Variants in GOLIM4 observed in about 807,000 individuals in gnomAD.
GOLIM4 encodes 130 kDa golgi-localized phosphoprotein.
Under a neutral mutation model 107.4 loss-of-function variants are expected in GOLIM4, and 71 were observed. The ratio of observed to expected loss-of-function variants is 0.66; its 90% CI spans 0.55 to 0.81. The LOEUF is 0.81. Among genes scored for constraint, GOLIM4 ranks in the 30% least tolerant of loss-of-function variants. The pLI is 0.00. For missense variants in GOLIM4, 830 were observed against 826.1 expected (o/e 1.00, Z -0.06); for synonymous variants, 327 against 294.8 (o/e 1.11, Z -1.12).
At chr3:168,088,072 GGCAAAAGTA>G (rs1289531235) in intron 1 of GOLIM4, among the ~76,000 whole-genome samples, 1 of 151,962 alleles carries the variant, frequency 6.6e-6, no homozygotes, top group African/African-American at 2.4e-5. Flanking sequence ...ACCATCTACT[GGCAAAAGTA>G]GCAAAACCAC....
At chr3:168,071,351 A>G (rs1375622370) in intron 1 of GOLIM4, among the ~76,000 whole-genome samples, 3 of 152,172 alleles carry the variant, frequency 2.0e-5, no homozygotes, top group East Asian at 3.8e-4. Flanking sequence ...TGCATGGCAC[A>G]TAACAGATAA....
In GOLIM4 at chr3:168,032,535, C is replaced by T. The variant is rs1280935117; in HGVS notation, c.1161G>A (p.Gly387=). Residue 387 remains glycine (G), a synonymous_variant, in exon 9 of 16, where the codon GGG becomes GGA. Transcript: ENST00000470487. ...EQREAANLLE[G]HARAEVYPSA... ...GACTTCATACCTCAGCACGCGCGTG[C>T]CCTTCCAGGAGGTTGGCTGCTTCTC... is the stretch of plus-strand genomic sequence containing the variant. 1.7e-5 allele frequency: 27 copies of T among 1,613,886 alleles called. No individual in the cohort carries two copies. Among genetic ancestry groups the T allele is most frequent in the Non-Finnish European group, 2.3e-5 (27 of 1,179,832 alleles).
Position 168,029,257 on chromosome 3 carries a change from T to A in GOLIM4, c.1479A>T (p.Gly493=), listed in dbSNP as rs760479789. ...CTCCTTGGATTCCCTGGTCCTCTGC[T>A]CCCTGAACGATATCATTATCCATAG... ...YDAMDNDIVQ[G]AEDQGIQGEE... The change falls in exon 11 of 16, where the codon GGA becomes GGT. Residue 493 remains glycine, a synonymous_variant. Coordinates refer to ENST00000470487, the MANE Select transcript of GOLIM4 (RefSeq NM_014498.5). 18 of 1,611,088 alleles carry A rather than the reference T, an allele frequency of 1.1e-5. No homozygotes were observed. The African/African-American group carries it at 2.1e-4, about 19-fold the overall frequency.
Position 168,039,968 on chromosome 3 carries a change from A to G in GOLIM4, c.684+818T>C, listed in dbSNP as rs181607818. Among the ~76,000 whole-genome samples the G allele has an allele frequency of 2.0e-3, 310 of 152,334 alleles. 1 individual carries two copies. Among genetic ancestry groups the G allele is most frequent in the African/African-American group, 7.2e-3 (298 of 41,576 alleles). On this transcript the variant is annotated intron_variant, in intron 7 of 15. Coordinates refer to ENST00000470487, the MANE Select transcript of GOLIM4 (RefSeq NM_014498.5). Reference sequence around the variant, plus strand: ...TGAGATGGGTCAGGGACAGAAAATTATACCTTTTAATAATTTTATAAAGAA... The same window carrying G: ...TGAGATGGGTCAGGGACAGAAAATTGTACCTTTTAATAATTTTATAAAGAA...
chr3:168,029,083 A>G, intron 11 of GOLIM4, 140 bp downstream of exon 11: 2 of 544,950 alleles, frequency 3.7e-6, no homozygotes, highest in East Asian at 6.0e-5. Context: ...GAGGATTAAG[A>G]AAAAGACATG....
chr3:168,075,345 G>A (rs535296116), intron 1 of GOLIM4, among the ~76,000 whole-genome samples: 2 of 129,404 alleles, frequency 1.5e-5, no homozygotes, highest in Non-Finnish European at 3.1e-5. Context: ...CGCCCAGGCT[G>A]GAGTGCAGTG....
intron 1 of GOLIM4, among the ~76,000 whole-genome samples, chr3:168,083,815 C>T (rs1232801757): frequency 6.6e-6 from 1 of 152,184 alleles, no homozygotes; most frequent in African/African-American, 2.4e-5. Flanking sequence ...CCCCAATGAT[C>T]TCCACTTTCT....
intron 1 of GOLIM4, among the ~76,000 whole-genome samples, chr3:168,062,945 A>G (rs1195658758): frequency 1.3e-5 from 2 of 152,152 alleles, no homozygotes; most frequent in Admixed American, 6.5e-5. Context: ...TCCATTTTAG[A>G]TATGTCTAAT....
chr3:168,059,001 G>T (rs976895512), intron 1 of GOLIM4, among the ~76,000 whole-genome samples: 3 of 152,018 alleles, frequency 2.0e-5, no homozygotes, highest in Non-Finnish European at 2.9e-5. Flanking sequence ...AGAGAAGAGG[G>T]GGTTGTTTCT....
Position 168,010,839 on chromosome 3 carries a change from G to A in GOLIM4, c.1861-16C>T, listed in dbSNP as rs1716968468. 2.6e-6 allele frequency: 4 copies of A among 1,556,990 alleles called. No homozygotes were observed. In the African/African-American group the frequency reaches 5.4e-5, roughly 21 times the overall value. ...CTTCCTGAACCTAAAACAAACCACA[G>A]ATATCATTTAAACACTTTTGTCTTT... On this transcript the variant is annotated splice_polypyrimidine_tract_variant and intron_variant, in intron 14 of 15. Transcript: ENST00000470487.
At chr3:168,035,251 G>A (rs975743166) in intron 8 of GOLIM4, among the ~76,000 whole-genome samples, 1 of 152,164 alleles carries the variant, frequency 6.6e-6, no homozygotes, top group Non-Finnish European at 1.5e-5. Context: ...TGTGGAGACT[G>A]CTCCAAGACC....
chr3:168,076,838 G>T (rs190925721), intron 1 of GOLIM4, among the ~76,000 whole-genome samples: 45 of 152,318 alleles, frequency 3.0e-4, no homozygotes, highest in African/African-American at 1.1e-3. Context: ...AATCCAGTAT[G>T]AAAGTTTTTA....
intron 1 of GOLIM4, among the ~76,000 whole-genome samples, chr3:168,067,330 T>C (rs1277975637): frequency 6.6e-6 from 1 of 152,024 alleles, no homozygotes; most frequent in African/African-American, 2.4e-5. Context: ...AACTTAGGAA[T>C]ACACATTAAG....
intron 14 of GOLIM4, among the ~76,000 whole-genome samples, chr3:168,021,273 G>C (rs1031339815): frequency 1.3e-5 from 2 of 152,130 alleles, no homozygotes; most frequent in Admixed American, 6.5e-5. Flanking sequence ...AGAACAGTAG[G>C]ATCCAAAGAG....
intron 1 of GOLIM4, among the ~76,000 whole-genome samples, chr3:168,069,173 T>C (rs1720713544): frequency 6.6e-6 from 1 of 152,206 alleles, no homozygotes; most frequent in African/African-American, 2.4e-5. Context: ...TTTTTAAGTT[T>C]ATATCATATC....
chr3:168,042,658 T>TAG (rs1184762382), intron 5 of GOLIM4, among the ~76,000 whole-genome samples: 11 of 152,188 alleles, frequency 7.2e-5, no homozygotes, highest in Non-Finnish European at 1.5e-4. Flanking sequence ...CTGGTTTCTT[T>TAG]CTCCAGGACT....
At chr3:168,028,730 T>C (rs1246196275) in intron 11 of GOLIM4, among the ~76,000 whole-genome samples, 1 of 152,212 alleles carries the variant, frequency 6.6e-6, no homozygotes, top group Non-Finnish European at 1.5e-5. Flanking sequence ...TTTCTGACTT[T>C]TTAGAAAAAG....
At chr3:168,058,239 T>C (rs969976772) in intron 1 of GOLIM4, among the ~76,000 whole-genome samples, 5 of 152,226 alleles carry the variant, frequency 3.3e-5, no homozygotes, top group South Asian at 4.1e-4. Flanking sequence ...GTAGCTTATA[T>C]GGAAATTTTA....
At chr3:168,010,538 G>T in intron 15 of GOLIM4, 120 bp from the exon 16 acceptor site, 1 of 795,208 alleles carries the variant, frequency 1.3e-6, no homozygotes, top group Non-Finnish European at 2.0e-6. Context: ...GAAGAAAAAT[G>T]ATATGTAAGC....
Sources: gnomAD v4.1 joint callset for allele counts (sites outside exome capture counted in the v4.1 genomes callset) on GRCh38, gnomAD v4.1.1 for gene constraint, MANE v1.5 for transcripts, NCBI Gene and HGNC (gene_info 2026-07-23, HGNC 2026-07-21) for gene names.